Variants in NTM observed in about 807,000 individuals in gnomAD.
The protein encoded by NTM is neurotrimin.
NTM carries 13 observed loss-of-function variants against 42.1 expected under a neutral mutation model. That is an observed-to-expected ratio of 0.31 (90% confidence interval 0.20 to 0.49). The LOEUF is 0.49. NTM is among the 20% of genes least tolerant of loss of function. The probability of loss-of-function intolerance (pLI) is 0.99; values close to 1 mark genes in which losing one functional copy is unlikely to be tolerated. For missense variants in NTM, 373 were observed against 452.8 expected, an observed-to-expected ratio of 0.82 and a Z score of 1.60; for synonymous variants, 187 against 179.2, an observed-to-expected ratio of 1.04 and a Z score of -0.35.
At chr11:131,823,475 T>A (rs527660251) in intron 1 of NTM, among the ~76,000 whole-genome samples, 1 of 152,128 alleles carries the variant, frequency 6.6e-6, no homozygotes, top group African/African-American at 2.4e-5. Context: ...AATTAAGGAA[T>A]TTGCTATGAA....
intron 1 of NTM, among the ~76,000 whole-genome samples, chr11:131,892,786 G>A (rs761718093): frequency 3.6e-4 from 55 of 152,240 alleles, no homozygotes; most frequent in Non-Finnish European, 7.1e-4. Flanking sequence ...TCCCCAAAGA[G>A]CCAGAGCTCC....
intron 4 of NTM, among the ~76,000 whole-genome samples, chr11:132,228,708 C>T (rs1158709730): frequency 2.6e-5 from 4 of 152,196 alleles, no homozygotes; most frequent in Non-Finnish European, 5.9e-5. Flanking sequence ...CTTCCAGCTG[C>T]CCACACTGAC....
At chr11:132,082,155 G>A (rs2059152536) in intron 2 of NTM, among the ~76,000 whole-genome samples, 2 of 151,868 alleles carry the variant, frequency 1.3e-5, no homozygotes, top group South Asian at 4.2e-4. Context: ...CATCCCTAAA[G>A]AATTGATGGT....
At chr11:131,919,752 A>G (rs1284197497) in intron 2 of NTM, among the ~76,000 whole-genome samples, 4 of 151,968 alleles carry the variant, frequency 2.6e-5, no homozygotes, top group Non-Finnish European at 5.9e-5. Flanking sequence ...ATATATATGT[A>G]CATATGCATG....
At chr11:131,825,905 AT>A (rs1462923542) in intron 1 of NTM, among the ~76,000 whole-genome samples, 9 of 152,286 alleles carry the variant, frequency 5.9e-5, no homozygotes, top group African/African-American at 2.2e-4. Flanking sequence ...AACAGCGAAT[AT>A]GTTTTTGGAG....
chr11:131,441,198 T>C (rs535815572), intron 1 of NTM, among the ~76,000 whole-genome samples: 1 of 152,324 alleles, frequency 6.6e-6, no homozygotes, highest in South Asian at 2.1e-4. Flanking sequence ...TTTTTGGTCA[T>C]GCAGTTAGAA....
intron 4 of NTM, among the ~76,000 whole-genome samples, chr11:132,262,629 G>A (rs140899793): frequency 3.7e-4 from 56 of 152,080 alleles, no homozygotes; most frequent in Non-Finnish European, 6.0e-4. Flanking sequence ...CTCCACCCTC[G>A]TAAGCTAATC....
intron 1 of NTM, among the ~76,000 whole-genome samples, chr11:131,730,502 C>T (rs1318205201): frequency 1.3e-5 from 2 of 151,952 alleles, no homozygotes; most frequent in African/African-American, 4.8e-5. Flanking sequence ...ATAGGTTGAA[C>T]CCGGGAGTTT....
At chr11:131,999,564 G>T (rs2068765397) in intron 2 of NTM, among the ~76,000 whole-genome samples, 1 of 152,252 alleles carries the variant, frequency 6.6e-6, no homozygotes, top group Non-Finnish European at 1.5e-5. Flanking sequence ...ATGGCTGGTA[G>T]ATGCTCCCTT....
intron 2 of NTM, among the ~76,000 whole-genome samples, chr11:132,092,302 TC>T (rs1250749927): frequency 1.3e-5 from 2 of 152,226 alleles, no homozygotes; most frequent in Non-Finnish European, 2.9e-5. Context: ...TCTTTTTCAT[TC>T]TGCATTTAGT....
chr11:131,718,633 A>G (rs1389053183), intron 1 of NTM, among the ~76,000 whole-genome samples: 1 of 152,136 alleles, frequency 6.6e-6, no homozygotes, highest in African/African-American at 2.4e-5. Context: ...TATTGCACAC[A>G]TGCCCTGATC....
chr11:132,060,973 G>A (rs2080567218), intron 2 of NTM, among the ~76,000 whole-genome samples: 1 of 152,188 alleles, frequency 6.6e-6, no homozygotes, highest in African/African-American at 2.4e-5. Context: ...GTGATTTTAA[G>A]ATGGCATTTT....
At chr11:131,708,037 A>C (rs1039148887) in intron 1 of NTM, among the ~76,000 whole-genome samples, 1 of 152,150 alleles carries the variant, frequency 6.6e-6, no homozygotes, top group Non-Finnish European at 1.5e-5. Flanking sequence ...TCTACCAAAA[A>C]AGCTGGTAAG....
rs1021953197 is a variant in NTM, at chr11:131,528,309, C to T, written c.82+157421C>T. 5.3e-5 allele frequency among the ~76,000 whole-genome samples: 8 copies of T among 151,940 alleles called. No individual in the cohort carries two copies. In the East Asian group the frequency reaches 5.8e-4, roughly 11 times the overall value. On this transcript the variant is annotated intron_variant, in intron 1 of 8. Transcript: ENST00000683400. The stretch of plus-strand genomic sequence containing the variant: ...TGTGTTTGATCCATTGAGATAGCTC[C>T]GTAATAAAAATAACTGGCATTTATT...
At chr11:131,821,018 C>G (rs1044290734) in intron 1 of NTM, among the ~76,000 whole-genome samples, 1 of 137,116 alleles carries the variant, frequency 7.3e-6, no homozygotes, top group African/African-American at 3.2e-5. Context: ...CAAGATGCCT[C>G]CAAAGGGTTT....
chr11:131,766,743 T>C (rs529483355), intron 1 of NTM, among the ~76,000 whole-genome samples: 1 of 152,322 alleles, frequency 6.6e-6, no homozygotes, highest in African/African-American at 2.4e-5. Flanking sequence ...AATGACATTA[T>C]TTATAGCAAG....
intron 1 of NTM, among the ~76,000 whole-genome samples, chr11:131,591,525 G>T (rs1412704847): frequency 6.6e-6 from 1 of 152,210 alleles, no homozygotes; most frequent in Non-Finnish European, 1.5e-5. Flanking sequence ...GAGATGCATG[G>T]ATTCCCTGCC....
At chr11:132,068,020 A>G (rs200781499) in intron 2 of NTM, among the ~76,000 whole-genome samples, 1 of 152,324 alleles carries the variant, frequency 6.6e-6, no homozygotes, top group East Asian at 1.9e-4. Flanking sequence ...AGGGTCCTCC[A>G]CAGAATTTCT....
chr11:131,911,785 C>T (rs2055086843), intron 2 of NTM, 137 bp downstream of exon 2: 6 of 1,084,518 alleles, frequency 5.5e-6, no homozygotes, highest in Non-Finnish European at 2.7e-6. Context: ...CAATTTATGG[C>T]TGCGCTGGGG....
Sources: allele counts gnomAD v4.1 joint callset (sites outside exome capture counted in the v4.1 genomes callset), GRCh38; gene constraint gnomAD v4.1.1; transcripts MANE v1.5; gene names NCBI Gene and HGNC (gene_info 2026-07-23, HGNC 2026-07-21).